The following ODAD2 variants were observed in gnomAD, a reference collection of about 807,000 sequenced individuals.
The protein encoded by ODAD2 is outer dynein arm docking complex subunit 2.
A neutral mutation model predicts 106.8 loss-of-function variants in ODAD2; 89 were observed. The observed-to-expected ratio is 0.83, with a 90% CI of 0.70 to 0.99. The LOEUF (loss-of-function observed/expected upper bound fraction) is 0.99. ODAD2 is among the 50% of genes least tolerant of loss of function. The pLI, the probability that ODAD2 is intolerant of heterozygous loss-of-function variation, is 0.00. For synonymous variants in ODAD2, 404 were observed against 436.2 expected, an observed-to-expected ratio of 0.93 and a Z score of 0.92; for missense variants, 1,168 against 1,238.5, an observed-to-expected ratio of 0.94 and a Z score of 0.85.
intron 16 of ODAD2, among the ~76,000 whole-genome samples, chr10:27,927,768 G>T (rs145356246): frequency 3.3e-5 from 5 of 152,010 alleles, no homozygotes; most frequent in Non-Finnish European, 7.4e-5. Flanking sequence ...GCTGATGCCT[G>T]TTTCTTTACA....
In ODAD2 at chr10:27,939,995, C is replaced by G; in HGVS notation, c.1999G>C (p.Ala667Pro). 2 of 1,604,658 alleles carry G rather than the reference C, an allele frequency of 1.2e-6. No individual in the cohort carries two copies. Among genetic ancestry groups the G allele is most frequent in the Non-Finnish European group, 1.7e-6 (2 of 1,175,772 alleles). Residue 667 changes from alanine (A) to proline (P), a missense_variant, in exon 14 of 20, where the codon GCT (alanine) becomes CCT (proline). Physicochemically the swap from Ala to Pro is conservative, Grantham distance 27. Around this residue, in one of 3 missense-constraint regions of ODAD2, gnomAD observed 701 missense variants for 712.3 expected, o/e 0.98. Coordinates refer to ENST00000305242, the MANE Select transcript of ODAD2 (RefSeq NM_018076.5). ...ATGATCCTTTCTGCTTTGATTGCAG[C>G]CCGGTAGTTTTCCTAGGAATAAAAA... ...QECASEENYR[A>P]AIKAERIIEN...
intron 17 of ODAD2, among the ~76,000 whole-genome samples, chr10:27,905,457 A>G (rs1213913480): frequency 1.3e-5 from 2 of 152,192 alleles, no homozygotes; most frequent in Non-Finnish European, 2.9e-5. Context: ...TAATTTATAG[A>G]TTAAATGCTA....
rs145648104 is a variant in ODAD2 at position 27,976,328 on chromosome 10, T to C, written c.937-5015A>G. Among the ~76,000 whole-genome samples the C allele has an allele frequency of 7.2e-3, 1,091 of 152,220 alleles. 10 individuals carry two copies. The highest frequency in any genetic ancestry group is 0.025 in the African/African-American group (1,025 of 41,554). On this transcript the variant is annotated intron_variant, in intron 7 of 19. Transcript: ENST00000305242. ...AAGGAAGAAATAAGAAAATGATCTT[T>C]ACTCACTAACAATATCTACATAGAA...
At chr10:27,909,800 AAAGT>A (rs1433119794) in intron 16 of ODAD2, among the ~76,000 whole-genome samples, 1 of 146,282 alleles carries the variant, frequency 6.8e-6, no homozygotes, top group African/African-American at 2.6e-5. Flanking sequence ...CTTGGGCGAC[AAAGT>A]GAGTCTTCAT....
intron 15 of ODAD2, among the ~76,000 whole-genome samples, chr10:27,935,950 T>C (rs1477537646): frequency 6.6e-6 from 1 of 152,076 alleles, no homozygotes; most frequent in African/African-American, 2.4e-5. Flanking sequence ...TACAGAACAT[T>C]TTCCCTTCCT....
intron 17 of ODAD2, among the ~76,000 whole-genome samples, chr10:27,882,011 C>T (rs1446477249): frequency 6.6e-6 from 1 of 150,986 alleles, no homozygotes; most frequent in Non-Finnish European, 1.5e-5. Context: ...CCTGAAAGTA[C>T]AAAAAACACT....
chr10:27,932,008 T>C (rs1267037274), intron 16 of ODAD2, among the ~76,000 whole-genome samples: 1 of 152,000 alleles, frequency 6.6e-6, no homozygotes, highest in Non-Finnish European at 1.5e-5. Context: ...CTCAGAACAT[T>C]ACTGCAGCCT....
At chr10:27,882,173 A>AAAAGAAAAAG (rs1841758822) in intron 17 of ODAD2, among the ~76,000 whole-genome samples, 1 of 109,682 alleles carries the variant, frequency 9.1e-6, no homozygotes. Context: ...GTCATAAAAA[A>AAAAGAAAAAG]AAAGAAAGAA....
At chr10:27,958,035 GT>G in intron 10 of ODAD2, among the ~76,000 whole-genome samples, 1 of 152,002 alleles carries the variant, frequency 6.6e-6, no homozygotes, top group Non-Finnish European at 1.5e-5. Flanking sequence ...TTTTAATATC[GT>G]TTTGTGTCTC....
At chr10:27,904,103 C>T (rs880708) in intron 17 of ODAD2, 104,878 of 158,220 alleles carry the variant, frequency 0.66, 35,125 homozygotes, top group Middle Eastern at 0.74. Context: ...CCAAACTGTT[C>T]CCTCATACAG....
chr10:27,814,905 CA>C (rs1472648023), intron 19 of ODAD2, among the ~76,000 whole-genome samples: 6 of 152,236 alleles, frequency 3.9e-5, no homozygotes, highest in African/African-American at 1.4e-4. Flanking sequence ...AGTTCAACCT[CA>C]ACTGGATTCT....
At position 27,927,484 on chromosome 10, in the gene ODAD2, T is replaced by C. The variant is rs75763988; in HGVS notation, c.2495+7526A>G. On this transcript the variant is annotated intron_variant, in intron 16 of 19. Coordinates refer to ENST00000305242, the MANE Select transcript of ODAD2 (RefSeq NM_018076.5). Reference sequence around the variant, plus strand: ...AGCAATAATAGCCATGCCTGAAACATAATGCAAAGAGTAATGCTGTCTTGA... The same window carrying C: ...AGCAATAATAGCCATGCCTGAAACACAATGCAAAGAGTAATGCTGTCTTGA... Among the ~76,000 whole-genome samples, 881 of 152,232 alleles carry C rather than the reference T, an allele frequency of 5.8e-3. 7 individuals carry two copies. The highest frequency in any genetic ancestry group is 0.02 in the African/African-American group (837 of 41,558).
At chr10:27,999,529 G>T (rs1387432960), upstream of ODAD2, among the ~76,000 whole-genome samples, 2 of 152,150 alleles carry the variant, frequency 1.3e-5, no homozygotes, top group Non-Finnish European at 2.9e-5. Context: ...GGATCGGAGT[G>T]AAATGAAAAC....
At chr10:27,965,230 G>T (rs749017415) in intron 9 of ODAD2, among the ~76,000 whole-genome samples, 3 of 152,154 alleles carry the variant, frequency 2.0e-5, no homozygotes, top group African/African-American at 4.8e-5. Flanking sequence ...TAGGAAAGGA[G>T]GTCTAATCTG....
chr10:27,830,293 T>C (rs1183769729), intron 19 of ODAD2, among the ~76,000 whole-genome samples: 1 of 152,174 alleles, frequency 6.6e-6, no homozygotes, highest in Non-Finnish European at 1.5e-5. Flanking sequence ...GTTCCATTCA[T>C]TCCACACAAA....
intron 10 of ODAD2, among the ~76,000 whole-genome samples, chr10:27,950,439 A>T (rs2132698375): frequency 6.6e-6 from 1 of 152,312 alleles, no homozygotes; most frequent in African/African-American, 2.4e-5. Context: ...AACCCTGAGG[A>T]GAAAGAGAGA....
chr10:27,936,752 A>T lies in ODAD2; in HGVS notation c.2226T>A (p.Cys742Ter). ...LAAVTGAIWK[C>*]SISKENVTKF... ...TGGTAACATTCTCTTTGCTGATGGA[A>T]CATTTCCATATAGCCCCTGTGACAG... Residue 742 changes from cysteine to a stop codon, truncating the protein, a stop_gained, in exon 15 of 20, where the codon TGT becomes TGA. Transcript: ENST00000305242. LOFTEE classifies it high-confidence loss of function. 6.2e-7 allele frequency: 1 copy of T among 1,614,022 alleles called. No homozygotes were observed. Among genetic ancestry groups the T allele is most frequent in the East Asian group, 2.2e-5 (1 of 44,878 alleles).
chr10:27,944,874 T>C lies in ODAD2; in HGVS notation c.1475A>G (p.Asp492Gly), dbSNP rs768889152. 6.2e-7 allele frequency: 1 copy of C among 1,614,118 alleles called. No homozygotes were observed. Among genetic ancestry groups the C allele is most frequent in the South Asian group, 1.1e-5 (1 of 91,084 alleles). Residue 492 changes from aspartate to glycine, a missense_variant, in exon 11 of 20, where the codon GAT becomes GGT. Asp to Gly is a moderately conservative substitution (Grantham distance 94, BLOSUM62 -1). This residue lies in a region of ODAD2 where 701 missense variants were observed against 712.3 expected (regional missense o/e 0.98). Coordinates refer to ENST00000305242, the MANE Select transcript of ODAD2 (RefSeq NM_018076.5). ...TATCAGCACTTCCAGGCCTCCAACA[T>C]CTCTGATGGCCAACTGGCAGGTTTC... ...AQETCQLAIRDVGGLEVLINL... is the reference protein window; with the variant it reads ...AQETCQLAIRGVGGLEVLINL...
In ODAD2 at chr10:27,906,864, G is replaced by C. The variant is rs1400706597; in HGVS notation, c.2610+799C>G. On this transcript the variant is annotated intron_variant, in intron 17 of 19. Coordinates refer to ENST00000305242, the MANE Select transcript of ODAD2 (RefSeq NM_018076.5). ...AACATCACACATCGGGGCCTGTCAG[G>C]GGGTGCGGGACTAGGGGAGGAATAG... 4.6e-5 allele frequency among the ~76,000 whole-genome samples: 7 copies of C among 152,140 alleles called. No homozygotes were observed. The South Asian group carries it at 1.0e-3, about 23-fold the overall frequency.
Sources: gnomAD v4.1 joint callset for allele counts (sites outside exome capture counted in the v4.1 genomes callset) on GRCh38, gnomAD v4.1.1 for gene constraint, gnomAD v4.1.1 regional missense constraint, MANE v1.5 for transcripts, NCBI Gene and HGNC (gene_info 2026-07-23, HGNC 2026-07-21) for gene names.